XRCC4: variants seen among roughly 807,000 people sequenced by gnomAD.
XRCC4 encodes the protein DNA repair protein XRCC4.
In XRCC4, 28 loss-of-function variants were observed where a neutral mutation model predicts 39.1. That is an observed-to-expected ratio of 0.72 (90% CI 0.53 to 0.98). The LOEUF (loss-of-function observed/expected upper bound fraction) is 0.98. Ranked by LOEUF, XRCC4 falls within the 50% of genes least tolerant of loss-of-function variation. The pLI, the probability that XRCC4 is intolerant of heterozygous loss-of-function variation, is 0.00. For synonymous variants in XRCC4, 123 were observed against 126.4 expected (o/e 0.97, Z 0.18); for missense variants, 350 against 376.4 (o/e 0.93, Z 0.58).
intron 3 of XRCC4, among the ~76,000 whole-genome samples, chr5:83,194,354 T>G (rs1750850614): frequency 1.3e-5 from 2 of 152,234 alleles, no homozygotes. Context: ...TAGGTAAAAC[T>G]TTCTTATTTA....
chr5:83,105,956 A>T (rs1022585503), intron 2 of XRCC4, among the ~76,000 whole-genome samples: 3 of 152,150 alleles, frequency 2.0e-5, no homozygotes, highest in Non-Finnish European at 4.4e-5. Flanking sequence ...GTTATGAATT[A>T]TGTTATACAA....
the XRCC4 span, among the ~76,000 whole-genome samples, chr5:83,371,558 G>T: frequency 1.3e-5 from 2 of 152,148 alleles, no homozygotes; most frequent in Non-Finnish European, 2.9e-5. Flanking sequence ...AGGGAGCTGA[G>T]GATGAAGTGA....
At chr5:83,334,609 C>T (rs1756535222) in intron 7 of XRCC4, among the ~76,000 whole-genome samples, 1 of 151,780 alleles carries the variant, frequency 6.6e-6, no homozygotes, top group South Asian at 2.1e-4. Flanking sequence ...ATGGTATAAA[C>T]TCTTTTATAA....
At chr5:83,297,193 T>C (rs975723110) in intron 7 of XRCC4, among the ~76,000 whole-genome samples, 7 of 151,940 alleles carry the variant, frequency 4.6e-5, no homozygotes, top group Admixed American at 6.6e-5. Context: ...ATACTAAAAG[T>C]GTTAGTGTCA....
chr5:83,353,863 T>G (rs1327755166), downstream of XRCC4: 1 of 152,218 alleles, frequency 6.6e-6, no homozygotes, highest in Non-Finnish European at 1.5e-5. Context: ...ACCCCCTGTG[T>G]GGCAAAAGAA....
intron 3 of XRCC4, among the ~76,000 whole-genome samples, chr5:83,115,792 G>T (rs1438944186): frequency 2.6e-5 from 4 of 152,184 alleles, no homozygotes; most frequent in Non-Finnish European, 1.5e-5. Flanking sequence ...CCCAGAGAAT[G>T]TCTTAAAGCA....
intron 3 of XRCC4, among the ~76,000 whole-genome samples, chr5:83,195,088 G>C (rs1436291096): frequency 6.6e-6 from 1 of 151,902 alleles, no homozygotes; most frequent in Non-Finnish European, 1.5e-5. Context: ...AGCCAAATGG[G>C]GAATACCTGT....
chr5:83,198,158 G>T (rs1359873547), intron 4 of XRCC4, among the ~76,000 whole-genome samples: 2 of 152,144 alleles, frequency 1.3e-5, no homozygotes, highest in Non-Finnish European at 2.9e-5. Flanking sequence ...AATCATTAGA[G>T]TTGGGGCCAT....
chr5:83,172,485 T>G (rs1174136748), intron 3 of XRCC4, among the ~76,000 whole-genome samples: 5 of 152,166 alleles, frequency 3.3e-5, no homozygotes, highest in African/African-American at 1.2e-4. Context: ...CACATAAAAA[T>G]GTAAATGGGA....
chr5:83,354,391 T>C (rs28360349), downstream of XRCC4, among the ~76,000 whole-genome samples: 8,117 of 152,278 alleles, frequency 0.053, 303 homozygotes, highest in African/African-American at 0.11. Flanking sequence ...TCTAGGTCGT[T>C]TGTGATTTTA....
At chr5:83,203,463 T>C (rs2112727915) in intron 4 of XRCC4, 89 bp from the exon 5 acceptor site, 1 of 1,146,226 alleles carries the variant, frequency 8.7e-7, no homozygotes, top group Middle Eastern at 3.0e-4. Flanking sequence ...AATTGTATTT[T>C]CCTTGAAATC....
In XRCC4 at chr5:83,353,461, G is replaced by T; in HGVS notation, c.*219G>T. On this transcript the variant is annotated 3_prime_UTR_variant, in exon 8 of 8. Coordinates refer to ENST00000396027, the MANE Select transcript of XRCC4 (RefSeq NM_003401.5). Reference sequence around the variant, plus strand: ...CACATTATTCTAAACTATTCATTCAGCATGCCTATAATTACATAAATTGTA... The same window carrying T: ...CACATTATTCTAAACTATTCATTCATCATGCCTATAATTACATAAATTGTA... 2.8e-6 allele frequency: 1 copy of T among 354,180 alleles called. No homozygotes were observed. Among genetic ancestry groups the T allele is most frequent in the Non-Finnish European group, 5.1e-6 (1 of 196,752 alleles). 21.9% of individuals were successfully genotyped at this position (354,180 alleles called of 1,614,324 possible). A position where few individuals can be genotyped will look rare whatever the true frequency, so the allele number is the denominator to read the frequency against.
chr5:83,191,305 G>C (rs757988840), intron 3 of XRCC4, among the ~76,000 whole-genome samples: 1 of 152,174 alleles, frequency 6.6e-6, no homozygotes, highest in African/African-American at 2.4e-5. Context: ...AACAATTCCC[G>C]TGTGTCATGG....
rs768555735 is a variant in XRCC4, at chr5:83,153,153, A to G, written c.315+41950A>G. On this transcript the variant is annotated intron_variant, in intron 3 of 7. Coordinates refer to ENST00000396027, the MANE Select transcript of XRCC4 (RefSeq NM_003401.5). ...AATCTTTTAGGACTGGCTTTTTTTC[A>G]CTCAGCATAATTCCCTTGAGAGCTG... 2.6e-5 allele frequency among the ~76,000 whole-genome samples: 4 copies of G among 151,448 alleles called. No individual in the cohort carries two copies. In the South Asian group the frequency reaches 8.3e-4, roughly 31 times the overall value.
In XRCC4 at chr5:83,187,056, G is replaced by A. The variant is rs1164416094; in HGVS notation, c.316-8714G>A. Reference sequence around the variant, plus strand: ...CCTCCCGGGTTCACGCCATTCTCCTGCCTCAGCCTCCCGAGTAGCCGGGAC... The same window carrying A: ...CCTCCCGGGTTCACGCCATTCTCCTACCTCAGCCTCCCGAGTAGCCGGGAC... On this transcript the variant is annotated intron_variant, in intron 3 of 7. Transcript: ENST00000396027. Among the ~76,000 whole-genome samples the A allele has an allele frequency of 2.8e-5, 2 of 71,604 alleles. 1 individual carries two copies. Among genetic ancestry groups the A allele is most frequent in the African/African-American group, 1.3e-4 (2 of 15,778 alleles). The allele number at this position is 71,604 out of a possible 152,430, so 47.0% of individuals were successfully genotyped here.
At chr5:83,229,477 C>T (rs541297356) in intron 6 of XRCC4, among the ~76,000 whole-genome samples, 7 of 151,308 alleles carry the variant, frequency 4.6e-5, no homozygotes, top group Non-Finnish European at 8.8e-5. Flanking sequence ...AGACCAATGA[C>T]GGGTTGTGAA....
chr5:83,272,538 C>T lies in XRCC4; in HGVS notation c.893+13861C>T, dbSNP rs758546211. On this transcript the variant is annotated intron_variant, in intron 7 of 7. Coordinates refer to ENST00000396027, the MANE Select transcript of XRCC4 (RefSeq NM_003401.5). ...AACCCATCATCTAGGTGTTACGCCCCGTATGCATTAGGTATTTGTCCTAAT... is the reference window on the plus strand; with the variant it reads ...AACCCATCATCTAGGTGTTACGCCCTGTATGCATTAGGTATTTGTCCTAAT... Among the ~76,000 whole-genome samples the T allele has an allele frequency of 7.9e-5, 12 of 152,030 alleles. 1 individual carries two copies. The highest frequency in any genetic ancestry group is 5.9e-5 in the Non-Finnish European group (4 of 67,980).
chr5:83,112,844 C>G (rs1746509596), intron 3 of XRCC4, among the ~76,000 whole-genome samples: 1 of 152,132 alleles, frequency 6.6e-6, no homozygotes, highest in South Asian at 2.1e-4. Flanking sequence ...CAGTTACCTC[C>G]CGCTGGGTCC....
intron 3 of XRCC4, among the ~76,000 whole-genome samples, chr5:83,116,087 C>CA (rs748720964): frequency 3.3e-5 from 5 of 151,428 alleles, no homozygotes; most frequent in South Asian, 4.2e-4. Context: ...CATCTGCTGG[C>CA]AAAAAAAATC....
Sources: gnomAD v4.1 joint callset for allele counts (sites outside exome capture counted in the v4.1 genomes callset) on GRCh38, gnomAD v4.1.1 for gene constraint, MANE v1.5 for transcripts, NCBI Gene and HGNC (gene_info 2026-07-23, HGNC 2026-07-21) for gene names.